The following NCKAP5 variants were observed in gnomAD, a reference collection of about 807,000 sequenced individuals.
NCKAP5 encodes the protein nck-associated protein 5.
NCKAP5 carries 92 observed loss-of-function variants against 167.0 expected under a neutral mutation model. The observed-to-expected ratio is 0.55, with a 90% CI of 0.47 to 0.66. The LOEUF (loss-of-function observed/expected upper bound fraction) is 0.66. Ranked by LOEUF, NCKAP5 falls within the 30% of genes least tolerant of loss-of-function variation. The pLI is 0.00. For synonymous variants in NCKAP5, 891 were observed against 877.4 expected (o/e 1.02, Z -0.27); for missense variants, 2,378 against 2,315.0 (o/e 1.03, Z -0.56).
chr2:133,420,642 T>C (rs1689415105), intron 3 of NCKAP5, among the ~76,000 whole-genome samples: 1 of 152,174 alleles, frequency 6.6e-6, no homozygotes, highest in Non-Finnish European at 1.5e-5. Context: ...AGGATAAGGC[T>C]TTTGAAATCA....
Position 132,673,124 on chromosome 2 carries a change from C to T in NCKAP5, c.*165G>A. 7.4e-7 allele frequency: 1 copy of T among 1,350,094 alleles called. No individual in the cohort carries two copies. The allele number at this position is 1,350,094 out of a possible 1,614,324, so 83.6% of individuals were successfully genotyped here. On this transcript the variant is annotated 3_prime_UTR_variant, in exon 20 of 20. Coordinates refer to ENST00000409261, the MANE Select transcript of NCKAP5 (RefSeq NM_207363.3). ...GTCTACCCCAGGCCTATCTGAACTA[C>T]TCAAAGATGTCTCTTCATTTTTTTC...
At chr2:133,110,675 A>G (rs750880595) in intron 6 of NCKAP5, among the ~76,000 whole-genome samples, 1 of 152,172 alleles carries the variant, frequency 6.6e-6, no homozygotes, top group Admixed American at 6.5e-5. Context: ...CACATAACCT[A>G]TGGCTTTCCT....
At chr2:133,173,630 T>A (rs1192395757) in intron 5 of NCKAP5, among the ~76,000 whole-genome samples, 6 of 152,134 alleles carry the variant, frequency 3.9e-5, no homozygotes, top group Admixed American at 3.9e-4. Flanking sequence ...TGCTATAAAT[T>A]CCCACTTTTC....
chr2:132,919,490 C>G (rs752689443), intron 8 of NCKAP5, among the ~76,000 whole-genome samples: 3 of 152,132 alleles, frequency 2.0e-5, no homozygotes, highest in Non-Finnish European at 4.4e-5. Flanking sequence ...GAGAGTCATT[C>G]ACTGAACACG....
At chr2:133,096,769 T>C (rs1296595835) in intron 6 of NCKAP5, among the ~76,000 whole-genome samples, 1 of 152,160 alleles carries the variant, frequency 6.6e-6, no homozygotes, top group Non-Finnish European at 1.5e-5. Context: ...TAGAAGTTCA[T>C]ACAAGTTCAA....
chr2:133,646,644 A>G, the NCKAP5 span, among the ~76,000 whole-genome samples: 1 of 152,342 alleles, frequency 6.6e-6, no homozygotes, highest in African/African-American at 2.4e-5. Context: ...ACATGATAGC[A>G]TAAGAAAGTA....
At chr2:133,109,001 A>G (rs13008060) in intron 6 of NCKAP5, among the ~76,000 whole-genome samples, 58 of 152,308 alleles carry the variant, frequency 3.8e-4, no homozygotes, top group Non-Finnish European at 7.4e-4. Flanking sequence ...TAATATTTAT[A>G]TGCTCTATAC....
chr2:133,217,489 T>C (rs1050663635), intron 4 of NCKAP5, among the ~76,000 whole-genome samples: 31 of 152,226 alleles, frequency 2.0e-4, no homozygotes, highest in African/African-American at 7.2e-4. Flanking sequence ...TTGTCTCATA[T>C]TTTACTCGAC....
chr2:133,072,448 C>T (rs1205529802), intron 6 of NCKAP5, among the ~76,000 whole-genome samples: 1 of 152,146 alleles, frequency 6.6e-6, no homozygotes, highest in African/African-American at 2.4e-5. Context: ...AACAATATTT[C>T]ACTGTGTCCT....
intron 6 of NCKAP5, among the ~76,000 whole-genome samples, chr2:133,023,873 A>G (rs2078611902): frequency 6.6e-6 from 1 of 152,110 alleles, no homozygotes; most frequent in African/African-American, 2.4e-5. Context: ...CGTTGATTTC[A>G]TGTCTTTGCT....
At chr2:133,530,950 G>A (rs1209054718) in intron 2 of NCKAP5, among the ~76,000 whole-genome samples, 2 of 152,188 alleles carry the variant, frequency 1.3e-5, no homozygotes, top group African/African-American at 2.4e-5. Flanking sequence ...AGAGGCTGAT[G>A]AGTGATTCTA....
chr2:132,882,250 A>T (rs573605983), intron 8 of NCKAP5, among the ~76,000 whole-genome samples: 1 of 152,282 alleles, frequency 6.6e-6, no homozygotes, highest in South Asian at 2.1e-4. Flanking sequence ...TTGGGGAATG[A>T]TAATTGGGAA....
chr2:133,284,183 A>G (rs2090024966), intron 4 of NCKAP5, among the ~76,000 whole-genome samples: 1 of 151,538 alleles, frequency 6.6e-6, no homozygotes, highest in South Asian at 2.1e-4. Flanking sequence ...ATGATTGTAT[A>G]TAATATAAAT....
At chr2:133,158,487 C>T (rs939334694) in intron 5 of NCKAP5, among the ~76,000 whole-genome samples, 3 of 152,124 alleles carry the variant, frequency 2.0e-5, no homozygotes, top group African/African-American at 7.2e-5. Context: ...CATTCACTTG[C>T]TTGTTCAAAA....
Position 133,139,808 on chromosome 2 carries a change from GCTT to G in NCKAP5, c.208-9700_208-9698del, listed in dbSNP as rs535388243. On this transcript the variant is annotated intron_variant, in intron 5 of 19. Transcript: ENST00000409261. ...CTCACTGACTTTATGACTTCTATAA[GCTT>G]CTCAGAAAACTAATTCTTCTCAAGT... Among the ~76,000 whole-genome samples, 770 of 152,192 alleles carry G rather than the reference GCTT, an allele frequency of 5.1e-3. 10 individuals are homozygous for G. Among genetic ancestry groups the G allele is most frequent in the South Asian group, 0.024 (116 of 4,812 alleles).
chr2:132,989,602 A>G (rs2077393230), intron 7 of NCKAP5, among the ~76,000 whole-genome samples: 1 of 152,104 alleles, frequency 6.6e-6, no homozygotes, highest in Non-Finnish European at 1.5e-5. Context: ...CCTCAGGGGG[A>G]ATGAGAATCG....
At chr2:133,201,932 A>G (rs1263223556) in intron 5 of NCKAP5, among the ~76,000 whole-genome samples, 1 of 152,206 alleles carries the variant, frequency 6.6e-6, no homozygotes, top group Non-Finnish European at 1.5e-5. Context: ...GATAGGAAGA[A>G]TCATTATCAT....
chr2:133,499,779 C>T (rs1559530151), intron 3 of NCKAP5, among the ~76,000 whole-genome samples: 3 of 152,130 alleles, frequency 2.0e-5, no homozygotes, highest in South Asian at 2.1e-4. Context: ...AGACTAGTCT[C>T]GAACTCCTGA....
intron 8 of NCKAP5, among the ~76,000 whole-genome samples, chr2:132,947,754 C>A (rs887172964): frequency 2.0e-5 from 3 of 152,066 alleles, no homozygotes; most frequent in Non-Finnish European, 2.9e-5. Context: ...AGCTTAATTC[C>A]CAGATATGGG....
Sources: gnomAD v4.1 joint callset for allele counts (sites outside exome capture counted in the v4.1 genomes callset) on GRCh38, gnomAD v4.1.1 for gene constraint, MANE v1.5 for transcripts, NCBI Gene and HGNC (gene_info 2026-07-23, HGNC 2026-07-21) for gene names.